MAML3: variants seen among roughly 807,000 people sequenced by gnomAD.
MAML3 encodes the protein mastermind like transcriptional coactivator 3, also known as mastermind-like protein 3.
In MAML3, 27 loss-of-function variants were observed where a neutral mutation model predicts 101.9. The observed-to-expected ratio is 0.27, with a 90% confidence interval of 0.20 to 0.37. MAML3 has a LOEUF of 0.37. Ranked by LOEUF, MAML3 falls within the 10% of genes least tolerant of loss-of-function variation. The probability of loss-of-function intolerance (pLI) is 1.00; values close to 1 mark genes in which losing one functional copy is unlikely to be tolerated. For synonymous variants in MAML3, 501 were observed against 555.9 expected, an observed-to-expected ratio of 0.90 and a Z score of 1.39; for missense variants, 1,316 against 1,444.9, an observed-to-expected ratio of 0.91 and a Z score of 1.45.
intron 1 of MAML3, among the ~76,000 whole-genome samples, chr4:139,977,627 C>T (rs541017478): frequency 3.8e-3 from 575 of 152,268 alleles, no homozygotes; most frequent in Middle Eastern, 0.017. Flanking sequence ...AATCCCAGCA[C>T]CTTGGGAGGC....
chr4:140,132,056 G>T (rs990472407), intron 1 of MAML3, among the ~76,000 whole-genome samples: 1 of 152,246 alleles, frequency 6.6e-6, no homozygotes, highest in Non-Finnish European at 1.5e-5. Context: ...TCACCACACA[G>T]AGGTGCCAGG....
In MAML3 at chr4:139,890,003, C is replaced by T. The variant is rs1233083990; in HGVS notation, c.1433G>A (p.Arg478Lys). Residue 478 changes from arginine to lysine, a missense_variant, in exon 2 of 5, where the codon AGG becomes AAG. Transcript: ENST00000509479. The surrounding 1 kb of genome is among the most constrained non-coding windows in gnomAD (Gnocchi z 4.1). ...CTGTTTCTGCTGCATGAGTTTGGCC[C>T]TTTGTTGCTGCTGTGCAGCCATCTG... ...LKQMAAQQQQ[R>K]AKLMQQKQQQ... The T allele has an allele frequency of 3.1e-6, 5 of 1,611,152 alleles. No homozygotes were observed. Among genetic ancestry groups the T allele is most frequent in the Non-Finnish European group, 4.2e-6 (5 of 1,178,546 alleles).
intron 1 of MAML3, among the ~76,000 whole-genome samples, chr4:139,955,868 T>C (rs374524474): frequency 1.3e-5 from 2 of 152,144 alleles, no homozygotes; most frequent in Admixed American, 6.5e-5. Flanking sequence ...TCACATAACA[T>C]AGTGGAGCTT....
At chr4:139,867,330 G>T (rs1465546239) in intron 2 of MAML3, among the ~76,000 whole-genome samples, 3 of 152,162 alleles carry the variant, frequency 2.0e-5, no homozygotes. Context: ...TTCTCAAAGG[G>T]ATGTGTTACT....
intron 1 of MAML3, among the ~76,000 whole-genome samples, chr4:139,918,158 C>T (rs1367103720): frequency 6.6e-6 from 1 of 152,132 alleles, no homozygotes; most frequent in Non-Finnish European, 1.5e-5. Context: ...TCCCATCTTA[C>T]CCTTTCCAGT....
intron 2 of MAML3, among the ~76,000 whole-genome samples, chr4:139,764,033 C>A (rs1729806247): frequency 6.6e-6 from 1 of 152,194 alleles, no homozygotes; most frequent in South Asian, 2.1e-4. Context: ...GTGTCAGAAG[C>A]TATGCCAAGT....
At chr4:140,051,113 A>C (rs1449091145) in intron 1 of MAML3, among the ~76,000 whole-genome samples, 1 of 152,220 alleles carries the variant, frequency 6.6e-6, no homozygotes, top group Non-Finnish European at 1.5e-5. Context: ...GGCATAGCAA[A>C]AATTCCTCTA....
intron 1 of MAML3, among the ~76,000 whole-genome samples, chr4:140,010,902 A>G (rs1048069007): frequency 1.3e-5 from 2 of 151,962 alleles, no homozygotes; most frequent in South Asian, 4.1e-4. Context: ...CAGGAGTTCA[A>G]GACCAGCCTG....
At chr4:139,827,874 G>A (rs184967550) in intron 2 of MAML3, among the ~76,000 whole-genome samples, 3 of 152,166 alleles carry the variant, frequency 2.0e-5, no homozygotes, top group African/African-American at 7.2e-5. Flanking sequence ...GAGCTGAGGT[G>A]ATTGCCTCAA....
chr4:139,839,704 C>T (rs531452050), intron 2 of MAML3, among the ~76,000 whole-genome samples: 3 of 152,204 alleles, frequency 2.0e-5, no homozygotes, highest in East Asian at 1.9e-4. Context: ...GGATGGAAAC[C>T]GTGCATTTTT....
At chr4:139,800,584 C>G (rs1327518662) in intron 2 of MAML3, among the ~76,000 whole-genome samples, 9 of 152,188 alleles carry the variant, frequency 5.9e-5, no homozygotes, top group Admixed American at 1.3e-4. Flanking sequence ...ACCTCTTCAG[C>G]TGCTGCTCAG....
chr4:139,758,859 T>C (rs959740025), intron 2 of MAML3, among the ~76,000 whole-genome samples: 1 of 152,206 alleles, frequency 6.6e-6, no homozygotes, highest in African/African-American at 2.4e-5. Flanking sequence ...CCAAGTGATA[T>C]CCCTGTTTCC....
At chr4:139,996,250 T>C (rs1177649526) in intron 1 of MAML3, among the ~76,000 whole-genome samples, 3 of 152,202 alleles carry the variant, frequency 2.0e-5, no homozygotes, top group Admixed American at 6.5e-5. Context: ...GTTCTATGTA[T>C]GTCAGTTAGG....
At chr4:140,069,482 A>AAGG (rs1451097525) in intron 1 of MAML3, among the ~76,000 whole-genome samples, 1 of 119,098 alleles carries the variant, frequency 8.4e-6, no homozygotes, top group Non-Finnish European at 1.7e-5. Context: ...AAGGAAGAAG[A>AAGG]AGGAGGAGGA....
chr4:139,834,599 G>GTGATGC (rs1393493515), intron 2 of MAML3, among the ~76,000 whole-genome samples: 3 of 152,224 alleles, frequency 2.0e-5, no homozygotes, highest in East Asian at 1.9e-4. Context: ...AAGTTCCAAA[G>GTGATGC]TGATGCTGAT....
intron 1 of MAML3, among the ~76,000 whole-genome samples, chr4:140,118,781 G>A (rs1487495044): frequency 2.6e-5 from 4 of 152,196 alleles, no homozygotes; most frequent in African/African-American, 9.7e-5. Context: ...AGCAGGGAAA[G>A]AGAGCCTAAC....
chr4:139,897,871 C>T (rs766837375), intron 1 of MAML3, among the ~76,000 whole-genome samples: 1 of 152,204 alleles, frequency 6.6e-6, no homozygotes, highest in Admixed American at 6.5e-5. Flanking sequence ...CGACTTACCC[C>T]GCAACCCCAC....
chr4:140,019,254 C>T (rs1463302269), intron 1 of MAML3, among the ~76,000 whole-genome samples: 1 of 152,168 alleles, frequency 6.6e-6, no homozygotes, highest in East Asian at 1.9e-4. Flanking sequence ...TTCAAAGACA[C>T]TTTTTATGTA....
intron 2 of MAML3, among the ~76,000 whole-genome samples, chr4:139,781,222 C>G (rs1018828110): frequency 2.0e-5 from 3 of 152,124 alleles, no homozygotes; most frequent in African/African-American, 7.2e-5. Context: ...CAGAAACACT[C>G]TACAACATGA....
Sources: allele counts gnomAD v4.1 joint callset (sites outside exome capture counted in the v4.1 genomes callset), GRCh38; gene constraint gnomAD v4.1.1; non-coding constraint Gnocchi (gnomAD v3.1); transcripts MANE v1.5; gene names NCBI Gene and HGNC (gene_info 2026-07-23, HGNC 2026-07-21).